Variants in ANKRD29 observed in about 807,000 individuals in gnomAD.
The protein encoded by ANKRD29 is ankyrin repeat domain-containing protein 29.
Under a neutral mutation model 38.0 loss-of-function variants are expected in ANKRD29, and 32 were observed. The ratio of observed to expected loss-of-function variants is 0.84; its 90% CI spans 0.64 to 1.13. ANKRD29 has a LOEUF of 1.13. Ranked by LOEUF, ANKRD29 falls within the 50% of genes most tolerant of loss-of-function variation. The pLI is 0.00. For synonymous variants in ANKRD29, 135 were observed against 152.4 expected (o/e 0.89, Z 0.84); for missense variants, 357 against 377.9 (o/e 0.94, Z 0.46).
chr18:23,612,010 A>G, intron 9 of ANKRD29, 82 bp downstream of exon 9: 1 of 1,257,070 alleles, frequency 8.0e-7, no homozygotes, highest in South Asian at 1.3e-5. Context: ...TGGTGACTGG[A>G]GCCAGGGAGA....
At chr18:23,639,564 C>G (rs925542524) in intron 3 of ANKRD29, among the ~76,000 whole-genome samples, 7 of 138,972 alleles carry the variant, frequency 5.0e-5, no homozygotes, top group African/African-American at 1.9e-4. Flanking sequence ...CAGAGTCTTG[C>G]TCTGTCACCG....
chr18:23,633,461 A>G (rs951726999), intron 5 of ANKRD29, among the ~76,000 whole-genome samples: 3 of 152,234 alleles, frequency 2.0e-5, no homozygotes, highest in Admixed American at 6.5e-5. Context: ...CATGGTACGA[A>G]TAAGTATCAC....
At chr18:23,614,058 C>T (rs1297461830) in intron 8 of ANKRD29, among the ~76,000 whole-genome samples, 1 of 151,816 alleles carries the variant, frequency 6.6e-6, no homozygotes, top group East Asian at 1.9e-4. Context: ...ACAAGTGCAG[C>T]TTTTTGGCCT....
rs539964174 is a variant in ANKRD29 at position 23,642,366 on chromosome 18, A to G, written c.232-3419T>C. ...TCTCCAAGCTCCCAGGCACCACTAC[A>G]TTCCCTGGTGCCTGCAGCGGAAGCC... On this transcript the variant is annotated intron_variant, in intron 3 of 9. Coordinates refer to ENST00000592179, the MANE Select transcript of ANKRD29 (RefSeq NM_173505.4). Among the ~76,000 whole-genome samples, 7 of 152,046 alleles carry G rather than the reference A, an allele frequency of 4.6e-5. No homozygotes were observed. The East Asian group carries it at 1.4e-3, about 30-fold the overall frequency.
chr18:23,614,951 G>A (rs1039246471), intron 8 of ANKRD29, among the ~76,000 whole-genome samples: 2 of 152,180 alleles, frequency 1.3e-5, no homozygotes, highest in Non-Finnish European at 1.5e-5. Context: ...AATAAAACAG[G>A]AGCATTATAT....
chr18:23,657,767 C>T (rs968955246), intron 1 of ANKRD29, among the ~76,000 whole-genome samples: 1 of 152,132 alleles, frequency 6.6e-6, no homozygotes. Context: ...TGCTTCATTC[C>T]TTTTTATGGC....
chr18:23,646,282 G>A lies in ANKRD29; in HGVS notation c.138C>T (p.Gly46=), dbSNP rs1487822061. The A allele has an allele frequency of 5.6e-6, 9 of 1,613,734 alleles. No individual in the cohort carries two copies. Among genetic ancestry groups the A allele is most frequent in the Non-Finnish European group, 7.6e-6 (9 of 1,179,944 alleles). Residue 46 remains glycine, a synonymous_variant, in exon 3 of 10, where the codon GGC becomes GGT. Coordinates refer to ENST00000592179, the MANE Select transcript of ANKRD29 (RefSeq NM_173505.4). ...AGGCAGCAACCATCAGGAGTGTGGT[G>A]CCATGCTGGATGGAGGAGAGACAGA... is the stretch of plus-strand genomic sequence containing the variant. ...RVDVDCRDSH[G]TTLLMVAAYA...
chr18:23,637,907 A>C (rs1199772134), intron 4 of ANKRD29, among the ~76,000 whole-genome samples: 7 of 151,966 alleles, frequency 4.6e-5, no homozygotes, highest in African/African-American at 1.7e-4. Flanking sequence ...AAATATTATC[A>C]TGTAAAATCA....
chr18:23,658,337 G>A (rs1959693733), intron 1 of ANKRD29, among the ~76,000 whole-genome samples: 1 of 152,218 alleles, frequency 6.6e-6, no homozygotes, highest in South Asian at 2.1e-4. Flanking sequence ...GAGCCCAGGA[G>A]GTCAAGGCTG....
intron 1 of ANKRD29, among the ~76,000 whole-genome samples, chr18:23,655,966 G>A (rs370116828): frequency 2.0e-5 from 3 of 150,076 alleles, no homozygotes; most frequent in African/African-American, 4.9e-5. Context: ...AGTGGTGGGC[G>A]CCTGTAGTCC....
chr18:23,646,292 A>G lies in ANKRD29; in HGVS notation c.133-5T>C. 1 of 1,613,244 alleles carries G rather than the reference A, an allele frequency of 6.2e-7. No individual in the cohort carries two copies. Among genetic ancestry groups the G allele is most frequent in the Non-Finnish European group, 8.5e-7 (1 of 1,179,662 alleles). On this transcript the variant is annotated splice_region_variant and splice_polypyrimidine_tract_variant and intron_variant, in intron 2 of 9. Coordinates refer to ENST00000592179, the MANE Select transcript of ANKRD29 (RefSeq NM_173505.4). ...CATCAGGAGTGTGGTGCCATGCTGG[A>G]TGGAGGAGAGACAGATGAAGAGTTA...
Position 23,636,934 on chromosome 18 carries a change from A to T in ANKRD29, c.330+1915T>A, listed in dbSNP as rs146819102. Reference sequence around the variant, plus strand: ...TAGCAGTGAGAACAATTGTTGAAGCAAAGTTTTGATGACAGAATCATTTAA... The same window carrying T: ...TAGCAGTGAGAACAATTGTTGAAGCTAAGTTTTGATGACAGAATCATTTAA... On this transcript the variant is annotated intron_variant, in intron 4 of 9. Transcript: ENST00000592179. 2.1e-3 allele frequency among the ~76,000 whole-genome samples: 317 copies of T among 152,310 alleles called. 1 individual carries two copies. The highest frequency in any genetic ancestry group is 7.0e-3 in the African/African-American group (293 of 41,566).
At chr18:23,623,444 T>C (rs1156948194) in intron 6 of ANKRD29, among the ~76,000 whole-genome samples, 6 of 152,072 alleles carry the variant, frequency 3.9e-5, no homozygotes, top group Admixed American at 6.5e-5. Context: ...TAATTTCTGT[T>C]TTCTCTTATT....
At chr18:23,612,676 G>A (rs1313096412) in intron 8 of ANKRD29, among the ~76,000 whole-genome samples, 1 of 152,210 alleles carries the variant, frequency 6.6e-6, no homozygotes, top group Non-Finnish European at 1.5e-5. Context: ...GACTGTGATT[G>A]TGGAGCTACA....
intron 8 of ANKRD29, among the ~76,000 whole-genome samples, chr18:23,612,775 A>G (rs962113014): frequency 6.6e-6 from 1 of 152,162 alleles, no homozygotes; most frequent in Non-Finnish European, 1.5e-5. Context: ...CTCATAGGTC[A>G]GTTGTTAATG....
intron 6 of ANKRD29, among the ~76,000 whole-genome samples, chr18:23,620,310 C>T (rs2059780421): frequency 6.6e-6 from 1 of 152,132 alleles, no homozygotes; most frequent in South Asian, 2.1e-4. Context: ...CTAGTTACGG[C>T]AGGACAGCAT....
intron 9 of ANKRD29, 70 bp from the exon 10 acceptor site, chr18:23,601,379 G>T (rs890912981): frequency 5.5e-6 from 7 of 1,274,988 alleles, no homozygotes; most frequent in Admixed American, 1.8e-5. Context: ...CCAAAGAGGG[G>T]CATTTGACCC....
At chr18:23,660,374 C>T (rs912772835) in intron 1 of ANKRD29, among the ~76,000 whole-genome samples, 1 of 152,326 alleles carries the variant, frequency 6.6e-6, no homozygotes, top group East Asian at 1.9e-4. Context: ...ATTCATATGT[C>T]CACTTTAAAA....
At chr18:23,609,047 T>C (rs2059607989) in intron 9 of ANKRD29, among the ~76,000 whole-genome samples, 2 of 151,658 alleles carry the variant, frequency 1.3e-5, no homozygotes, top group Non-Finnish European at 2.9e-5. Flanking sequence ...TGAGCTGAGA[T>C]CGCACCATTG....
Sources: gnomAD v4.1 joint callset for allele counts (sites outside exome capture counted in the v4.1 genomes callset) on GRCh38, gnomAD v4.1.1 for gene constraint, MANE v1.5 for transcripts, NCBI Gene and HGNC (gene_info 2026-07-23, HGNC 2026-07-21) for gene names.